Variants in SHANK2 observed in about 807,000 individuals in gnomAD.
The protein encoded by SHANK2 is SH3 and multiple ankyrin repeat domains 2.
In SHANK2, 43 loss-of-function variants were observed where a neutral mutation model predicts 133.7. That is an observed-to-expected ratio of 0.32 (90% confidence interval 0.25 to 0.41). The LOEUF is 0.41. Ranked by LOEUF, SHANK2 falls within the 10% of genes least tolerant of loss-of-function variation. The pLI, the probability that SHANK2 is intolerant of heterozygous loss-of-function variation, is 1.00. For missense variants in SHANK2, 1,994 were observed against 2,235.8 expected, an observed-to-expected ratio of 0.89 and a Z score of 2.18; for synonymous variants, 1,017 against 952.8, an observed-to-expected ratio of 1.07 and a Z score of -1.24.
chr11:71,122,996 G>T (rs1178419420), intron 3 of SHANK2, among the ~76,000 whole-genome samples: 22 of 152,162 alleles, frequency 1.4e-4, no homozygotes, highest in African/African-American at 4.8e-4. Flanking sequence ...AAAAACAGCA[G>T]CATCATCATC....
chr11:71,183,388 C>T (rs1041095204), intron 2 of SHANK2, among the ~76,000 whole-genome samples: 3 of 152,142 alleles, frequency 2.0e-5, no homozygotes, highest in Admixed American at 6.5e-5. Flanking sequence ...TGGTACTACC[C>T]GCAGTCCCAG....
At chr11:71,132,330 C>T (rs1218972950) in intron 3 of SHANK2, among the ~76,000 whole-genome samples, 1 of 152,184 alleles carries the variant, frequency 6.6e-6, no homozygotes, top group Non-Finnish European at 1.5e-5. Context: ...TATTGCCACC[C>T]TCTGGATAAG....
chr11:70,707,908 T>A (rs188997320), intron 14 of SHANK2, among the ~76,000 whole-genome samples: 2 of 152,300 alleles, frequency 1.3e-5, no homozygotes, highest in African/African-American at 4.8e-5. Flanking sequence ...GGCTGGGCCA[T>A]GAGATGGCAC....
At chr11:70,903,034 A>G (rs1950045935) in intron 10 of SHANK2, among the ~76,000 whole-genome samples, 1 of 152,174 alleles carries the variant, frequency 6.6e-6, no homozygotes, top group East Asian at 1.9e-4. Context: ...TCCCAACTCA[A>G]GAATTGACAA....
chr11:71,222,825 T>C (rs1375821121), intron 2 of SHANK2, among the ~76,000 whole-genome samples: 1 of 152,230 alleles, frequency 6.6e-6, no homozygotes, highest in African/African-American at 2.4e-5. Context: ...CTCATATGCA[T>C]CCTTGTGACA....
At chr11:70,933,621 T>G (rs1950530296) in intron 10 of SHANK2, among the ~76,000 whole-genome samples, 1 of 152,152 alleles carries the variant, frequency 6.6e-6, no homozygotes, top group Non-Finnish European at 1.5e-5. Flanking sequence ...TTGTAATTTT[T>G]TAAAAAAGCA....
chr11:70,657,489 G>C (rs2061418376), intron 17 of SHANK2, among the ~76,000 whole-genome samples: 1 of 149,374 alleles, frequency 6.7e-6, no homozygotes, highest in African/African-American at 2.6e-5. Context: ...TAAGCCCCTA[G>C]AGGAGAATTT....
At chr11:70,842,578 C>T (rs1485074537) in intron 11 of SHANK2, among the ~76,000 whole-genome samples, 4 of 152,224 alleles carry the variant, frequency 2.6e-5, no homozygotes, top group Non-Finnish European at 5.9e-5. Flanking sequence ...AGGGAGGGGT[C>T]AGCAGCCCTG....
At chr11:71,149,287 C>CT (rs1196042159) in intron 2 of SHANK2, among the ~76,000 whole-genome samples, 1 of 152,204 alleles carries the variant, frequency 6.6e-6, no homozygotes, top group African/African-American at 2.4e-5. Context: ...AAGTTCATCA[C>CT]TAGAGACAGC....
intron 14 of SHANK2, among the ~76,000 whole-genome samples, chr11:70,762,624 A>G (rs1014680254): frequency 2.0e-5 from 3 of 152,168 alleles, no homozygotes; most frequent in Admixed American, 6.5e-5. Context: ...CACAGACCCC[A>G]GGCCCCAGGT....
At chr11:70,747,448 G>A (rs1301067251) in intron 14 of SHANK2, among the ~76,000 whole-genome samples, 1 of 152,308 alleles carries the variant, frequency 6.6e-6, no homozygotes, top group African/African-American at 2.4e-5. Context: ...CAGGAGCCAT[G>A]GGGGCCGGGT....
At chr11:71,121,748 T>TGTAA (rs1293695154) in intron 3 of SHANK2, among the ~76,000 whole-genome samples, 1 of 152,190 alleles carries the variant, frequency 6.6e-6, no homozygotes, top group Non-Finnish European at 1.5e-5. Flanking sequence ...TTGTATAAGG[T>TGTAA]GTAAGGAAGG....
chr11:71,241,763 T>C (rs948479157), intron 1 of SHANK2, among the ~76,000 whole-genome samples: 1 of 152,206 alleles, frequency 6.6e-6, no homozygotes, highest in Non-Finnish European at 1.5e-5. Context: ...TCACCCCTAC[T>C]TTCTCCTGAG....
chr11:70,807,130 G>A lies in SHANK2; in HGVS notation c.1535C>T (p.Ala512Val), dbSNP rs376149377. ...CCGCTTGGGCCCCGGGTACTCGAAG[G>A]CCGAGAGTGAGTCCTTGTTGGCACC... The part of the protein sequence containing the change: ...ALGANKDSLS[A>V]FEYPGPKRKL... The change falls in exon 13 of 26, where the codon GCC (alanine) becomes GTC (valine). Residue 512 changes from alanine (A) to valine (V), a missense_variant. This residue lies in a region of SHANK2 where 653 missense variants were observed against 563.4 expected (regional missense o/e 1.16). Transcript: ENST00000601538. The surrounding 1 kb of genome is among the most constrained non-coding windows in gnomAD (Gnocchi z 4.8). 5.2e-5 allele frequency: 37 copies of A among 717,990 alleles called. No individual in the cohort carries two copies. The African/African-American group carries it at 6.1e-4, about 12-fold the overall frequency. 44.5% of individuals were successfully genotyped at this position (717,990 alleles called of 1,614,324 possible). A position where few individuals can be genotyped will look rare whatever the true frequency, so the allele number is the denominator to read the frequency against.
At chr11:71,119,055 CTGA>C in intron 3 of SHANK2, 23 bp from the exon 4 acceptor site, 1 of 1,549,252 alleles carries the variant, frequency 6.5e-7, no homozygotes, top group Non-Finnish European at 8.7e-7. Context: ...ACAAAGACAG[CTGA>C]TGAGTGACAG....
intron 8 of SHANK2, among the ~76,000 whole-genome samples, chr11:71,087,399 G>A (rs1486944482): frequency 6.6e-6 from 1 of 152,218 alleles, no homozygotes; most frequent in East Asian, 1.9e-4. Context: ...TTGAGACACA[G>A]GGGCTATTCT....
At chr11:71,251,776 C>A (rs539952618) in intron 1 of SHANK2, among the ~76,000 whole-genome samples, 251 of 151,100 alleles carry the variant, frequency 1.7e-3, no homozygotes, top group African/African-American at 5.6e-3. Flanking sequence ...CCGCCACCCC[C>A]GGGCCCGCAC....
chr11:70,839,256 C>T (rs1394759824), intron 11 of SHANK2, among the ~76,000 whole-genome samples: 1 of 152,238 alleles, frequency 6.6e-6, no homozygotes, highest in African/African-American at 2.4e-5. Context: ...CATGTGGGCT[C>T]CAGAACTCAG....
At chr11:71,160,589 C>G (rs2135462220) in intron 2 of SHANK2, among the ~76,000 whole-genome samples, 1 of 152,318 alleles carries the variant, frequency 6.6e-6, no homozygotes, top group Admixed American at 6.5e-5. Context: ...GCTGAATCAG[C>G]CAGCTTCTTG....
Sources: gnomAD v4.1 joint callset for allele counts (sites outside exome capture counted in the v4.1 genomes callset) on GRCh38, gnomAD v4.1.1 for gene constraint, gnomAD v4.1.1 regional missense constraint, Gnocchi (gnomAD v3.1) non-coding constraint, MANE v1.5 for transcripts, NCBI Gene and HGNC (gene_info 2026-07-23, HGNC 2026-07-21) for gene names.